PRKAR1A: variants seen among roughly 807,000 people sequenced by gnomAD.
PRKAR1A encodes cAMP-dependent protein kinase type I-alpha regulatory subunit.
In PRKAR1A, 3 loss-of-function variants were observed where a neutral mutation model predicts 52.0. The observed-to-expected ratio is 0.06, with a 90% CI of 0.03 to 0.15. PRKAR1A has a LOEUF of 0.15. PRKAR1A is among the 10% of genes least tolerant of loss of function. PRKAR1A has a pLI of 1.00. For synonymous variants in PRKAR1A, 188 were observed against 168.4 expected (o/e 1.12, Z -0.90); for missense variants, 240 against 477.4 (o/e 0.50, Z 4.63).
chr17:68,472,853 G>A, the PRKAR1A span, among the ~76,000 whole-genome samples: 5 of 152,128 alleles, frequency 3.3e-5, no homozygotes, highest in Admixed American at 6.5e-5. Flanking sequence ...GCTGAGGCAC[G>A]AGAATCACTT....
the PRKAR1A span, chr17:68,440,618 T>C: frequency 1.3e-5 from 2 of 152,218 alleles, no homozygotes; most frequent in Admixed American, 1.3e-4. Flanking sequence ...GGCTTTTGGA[T>C]GTGTTATAGC....
At chr17:68,518,594 G>A (rs2085504461) in intron 2 of PRKAR1A, among the ~76,000 whole-genome samples, 1 of 152,226 alleles carries the variant, frequency 6.6e-6, no homozygotes, top group African/African-American at 2.4e-5. Context: ...TAGTACAGGA[G>A]CCCCAGGGCA....
chr17:68,487,811 A>G, the PRKAR1A span, among the ~76,000 whole-genome samples: 1 of 151,974 alleles, frequency 6.6e-6, no homozygotes, highest in African/African-American at 2.4e-5. Flanking sequence ...GACAAAAAAA[A>G]AAAAGAAAAA....
chr17:68,457,506 C>G, the PRKAR1A span: 3 of 1,194,264 alleles, frequency 2.5e-6, no homozygotes, highest in East Asian at 3.4e-5. Context: ...CGGGCCGGGT[C>G]GCCGGTCCTG....
chr17:68,507,669 A>G (rs114058741), upstream of PRKAR1A, among the ~76,000 whole-genome samples: 701 of 152,250 alleles, frequency 4.6e-3, 4 homozygotes, highest in African/African-American at 0.015. Flanking sequence ...ACAAACATAC[A>G]TACATCTGAA....
the PRKAR1A span, among the ~76,000 whole-genome samples, chr17:68,418,835 C>T: frequency 3.3e-5 from 5 of 152,184 alleles, no homozygotes; most frequent in African/African-American, 9.7e-5. Flanking sequence ...CTCTGCTTCT[C>T]CTGAGCAACT....
intron 11 of PRKAR1A, chr17:68,542,201 A>T: frequency 6.2e-7 from 1 of 1,610,062 alleles, no homozygotes; most frequent in Non-Finnish European, 8.5e-7. Context: ...GAGTAAGTGG[A>T]GGGCTCTGGA....
the PRKAR1A span, among the ~76,000 whole-genome samples, chr17:68,455,323 C>A: frequency 4.0e-4 from 59 of 146,088 alleles, 2 homozygotes; most frequent in African/African-American, 1.4e-3. Flanking sequence ...AAGACCACAC[C>A]ACTGCACTCC....
chr17:68,522,946 A>G lies in PRKAR1A; in HGVS notation c.348+20A>G. The G allele has an allele frequency of 6.2e-7, 1 of 1,612,318 alleles. No individual in the cohort carries two copies. The highest frequency in any genetic ancestry group is 8.5e-7 in the Non-Finnish European group (1 of 1,179,730). On this transcript the variant is annotated intron_variant, in intron 3 of 10. Coordinates refer to ENST00000589228, the MANE Select transcript of PRKAR1A (RefSeq NM_002734.5). ...AGAAAGGTAGTTTTGATATTTGAAT[A>G]TCGGGGGGATGCTTTTGGGACCCAC...
the PRKAR1A span, chr17:68,426,000 G>A: frequency 8.7e-7 from 1 of 1,151,760 alleles, no homozygotes; most frequent in Non-Finnish European, 1.3e-6. Flanking sequence ...AAGGGACTCT[G>A]CCTCTCGTAT....
At chr17:68,467,929 C>T in the PRKAR1A span, among the ~76,000 whole-genome samples, 1 of 152,132 alleles carries the variant, frequency 6.6e-6, no homozygotes. Flanking sequence ...CGATCTTGCT[C>T]TGTCACCCAG....
chr17:68,465,482 T>TCTCACTCTGTTGC, the PRKAR1A span, among the ~76,000 whole-genome samples: 2 of 152,022 alleles, frequency 1.3e-5, no homozygotes, highest in South Asian at 4.2e-4. Flanking sequence ...TTAGATGGAG[T>TCTCACTCTGTTGC]CTCACTCTGT....
chr17:68,488,203 G>A, the PRKAR1A span, among the ~76,000 whole-genome samples: 4 of 152,118 alleles, frequency 2.6e-5, no homozygotes, highest in Non-Finnish European at 5.9e-5. Context: ...CCCTGAGATC[G>A]AGGTGGGCCT....
the PRKAR1A span, among the ~76,000 whole-genome samples, chr17:68,461,320 T>C: frequency 1.3e-5 from 2 of 152,200 alleles, no homozygotes; most frequent in Non-Finnish European, 2.9e-5. This position sits in a 1 kb window ranked among gnomAD's most constrained non-coding sequence, Gnocchi z 4.6. Context: ...ATTAAAAACA[T>C]GTTTGGTAAT....
chr17:68,544,669 A>T (rs2952317), intron 11 of PRKAR1A, among the ~76,000 whole-genome samples: 1 of 152,028 alleles, frequency 6.6e-6, no homozygotes, highest in East Asian at 1.9e-4. Flanking sequence ...AGGTGCTGCC[A>T]AAAGTAGAGA....
downstream of PRKAR1A, chr17:68,536,628 T>A: frequency 2.2e-6 from 1 of 452,176 alleles, no homozygotes; most frequent in Non-Finnish European, 4.4e-6. Flanking sequence ...GGGAAGAAGA[T>A]TGTGGTTGGT....
At chr17:68,548,723 A>ATTTTT (rs200833117) in intron 11 of PRKAR1A, among the ~76,000 whole-genome samples, 47 of 117,998 alleles carry the variant, frequency 4.0e-4, no homozygotes, top group Non-Finnish European at 5.9e-4. Context: ...CTATGCCTGT[A>ATTTTT]TATTTTTTTT....
chr17:68,471,156 A>C, the PRKAR1A span, among the ~76,000 whole-genome samples: 1 of 152,180 alleles, frequency 6.6e-6, no homozygotes, highest in South Asian at 2.1e-4. Flanking sequence ...AGACAACTAA[A>C]TGTCCATCAG....
At chr17:68,415,496 AGTT>A in the PRKAR1A span, among the ~76,000 whole-genome samples, 2 of 152,142 alleles carry the variant, frequency 1.3e-5, no homozygotes, top group African/African-American at 4.8e-5. Flanking sequence ...TGTATTCTGC[AGTT>A]GTTGGTTGGA....
Sources: gnomAD v4.1 joint callset for allele counts (sites outside exome capture counted in the v4.1 genomes callset) on GRCh38, gnomAD v4.1.1 for gene constraint, Gnocchi (gnomAD v3.1) non-coding constraint, MANE v1.5 for transcripts, NCBI Gene and HGNC (gene_info 2026-07-23, HGNC 2026-07-21) for gene names.